Variants in MEMO1 observed in about 807,000 individuals in gnomAD.
MEMO1 encodes mediator of cell motility 1.
A neutral mutation model predicts 45.2 loss-of-function variants in MEMO1; 6 were observed. That is an observed-to-expected ratio of 0.13 (90% CI 0.07 to 0.26). MEMO1 has a LOEUF of 0.26. Among genes scored for constraint, MEMO1 ranks in the 10% least tolerant of loss-of-function variants. MEMO1 has a pLI of 1.00. For synonymous variants in MEMO1, 78 were observed against 124.3 expected (o/e 0.63, Z 2.48); for missense variants, 184 against 370.5 (o/e 0.50, Z 4.13).
chr2:31,966,595 G>T (rs1363116422), intron 2 of MEMO1, among the ~76,000 whole-genome samples: 1 of 151,958 alleles, frequency 6.6e-6, no homozygotes, highest in Non-Finnish European at 1.5e-5. Context: ...GCCAGGCATG[G>T]TGGCACGACC....
chr2:31,911,738 T>G (rs941494721), intron 6 of MEMO1, among the ~76,000 whole-genome samples: 1 of 152,142 alleles, frequency 6.6e-6, no homozygotes, highest in Non-Finnish European at 1.5e-5. Flanking sequence ...CCTTCCAGGC[T>G]GAAGTAATCC....
chr2:31,917,373 G>A (rs1368822439), intron 6 of MEMO1, among the ~76,000 whole-genome samples: 2 of 152,098 alleles, frequency 1.3e-5, no homozygotes, highest in East Asian at 1.9e-4. Flanking sequence ...TGTGCTAGGC[G>A]GTGGGGTATA....
intron 8 of MEMO1, among the ~76,000 whole-genome samples, chr2:31,871,884 C>T (rs1289271141): frequency 6.6e-6 from 1 of 151,892 alleles, no homozygotes; most frequent in Non-Finnish European, 1.5e-5. Context: ...CATGGTGGCA[C>T]ATGCCTATAA....
At position 31,868,338 on chromosome 2, in the gene MEMO1, G is replaced by GGC. The variant is rs1558463897; in HGVS notation, c.*21_*22dup. ...GGACAGAGTATGAGAATGTGCAGGT[G>GGC]GCATCCCTGAGGATTCAGAGCTTCA... is the stretch of plus-strand genomic sequence containing the variant. On this transcript the variant is annotated 3_prime_UTR_variant, in exon 10 of 10. Coordinates refer to ENST00000404530, the MANE Select transcript of MEMO1 (RefSeq NM_001301833.4). 1 of 1,530,144 alleles carries GGC rather than the reference G, an allele frequency of 6.5e-7. No individual in the cohort carries two copies. The highest frequency in any genetic ancestry group is 8.8e-7 in the Non-Finnish European group (1 of 1,139,708). The allele number at this position is 1,530,144 out of a possible 1,614,324, so 94.8% of individuals were successfully genotyped here. A position where few individuals can be genotyped will look rare whatever the true frequency, so the allele number is the denominator to read the frequency against.
intron 2 of MEMO1, among the ~76,000 whole-genome samples, chr2:31,981,208 T>C (rs954004936): frequency 2.0e-5 from 3 of 152,222 alleles, no homozygotes; most frequent in African/African-American, 4.8e-5. Context: ...CAGTTCTTAC[T>C]ACAGCCTCTA....
At chr2:32,005,688 A>G (rs2148616946) in intron 2 of MEMO1, among the ~76,000 whole-genome samples, 1 of 152,268 alleles carries the variant, frequency 6.6e-6, no homozygotes, top group South Asian at 2.1e-4. Flanking sequence ...TTCAGAATGT[A>G]AACATTTGTA....
At chr2:31,881,079 A>G (rs1341160896) in intron 8 of MEMO1, among the ~76,000 whole-genome samples, 1 of 152,036 alleles carries the variant, frequency 6.6e-6, no homozygotes, top group Admixed American at 6.6e-5. Context: ...TATGACTACC[A>G]TGGCACTTCA....
intron 2 of MEMO1, among the ~76,000 whole-genome samples, chr2:31,994,342 TAG>T (rs1170357393): frequency 6.6e-6 from 1 of 151,684 alleles, no homozygotes; most frequent in Non-Finnish European, 1.5e-5. Context: ...TAAAAATTAA[TAG>T]AGAGGTCGGG....
At chr2:32,006,302 T>C (rs1298051688) in intron 2 of MEMO1, among the ~76,000 whole-genome samples, 4 of 152,214 alleles carry the variant, frequency 2.6e-5, no homozygotes, top group African/African-American at 9.6e-5. Context: ...GAGACAGTTG[T>C]AATTATTCTG....
chr2:31,933,462 G>A (rs1572726780), intron 3 of MEMO1, among the ~76,000 whole-genome samples: 1 of 146,160 alleles, frequency 6.8e-6, no homozygotes, highest in African/African-American at 2.5e-5. Flanking sequence ...ACTTTTGAGG[G>A]TGATGAATAT....
chr2:31,871,260 T>A (rs1470215835), intron 8 of MEMO1, among the ~76,000 whole-genome samples: 1 of 152,212 alleles, frequency 6.6e-6, no homozygotes, highest in Non-Finnish European at 1.5e-5. Context: ...GGGACTTAAC[T>A]GGTTATTCTG....
intron 2 of MEMO1, among the ~76,000 whole-genome samples, chr2:31,950,720 CAAAA>C (rs1382577241): frequency 1.3e-5 from 1 of 78,586 alleles, no homozygotes; most frequent in Admixed American, 1.4e-4. Context: ...GACTCCATCT[CAAAA>C]AAAAAAAAAG....
At chr2:31,876,182 A>T (rs1015323149) in intron 8 of MEMO1, among the ~76,000 whole-genome samples, 1 of 151,732 alleles carries the variant, frequency 6.6e-6, no homozygotes, top group Admixed American at 6.6e-5. Context: ...TACACACCAT[A>T]CTCCCACAAC....
At chr2:31,992,934 T>G (rs1320529100) in intron 2 of MEMO1, among the ~76,000 whole-genome samples, 1 of 151,720 alleles carries the variant, frequency 6.6e-6, no homozygotes, top group African/African-American at 2.4e-5. Context: ...TTGAAAACTA[T>G]GGAAAAAAAA....
intron 2 of MEMO1, among the ~76,000 whole-genome samples, chr2:31,962,488 T>G (rs1668121296): frequency 6.6e-6 from 1 of 152,208 alleles, no homozygotes; most frequent in Non-Finnish European, 1.5e-5. Context: ...GTTTTCATTC[T>G]ATGCTTCTCT....
intron 7 of MEMO1, among the ~76,000 whole-genome samples, chr2:31,890,422 C>G (rs1171161181): frequency 6.6e-6 from 1 of 152,060 alleles, no homozygotes; most frequent in Non-Finnish European, 1.5e-5. Context: ...AGTAATGATA[C>G]TTAAGTTTTC....
At chr2:31,969,623 GTGT>G (rs1669132206) in intron 2 of MEMO1, among the ~76,000 whole-genome samples, 2 of 148,414 alleles carry the variant, frequency 1.3e-5, no homozygotes, top group African/African-American at 5.0e-5. Context: ...GTGTGTGTGT[GTGT>G]GTGTGTGTTT....
intron 2 of MEMO1, among the ~76,000 whole-genome samples, chr2:31,973,354 T>G (rs2148469764): frequency 6.6e-6 from 1 of 152,004 alleles, no homozygotes; most frequent in South Asian, 2.1e-4. Context: ...CTTGGGAGGC[T>G]GAGGCAGGAG....
chr2:31,918,302 A>G (rs1413052877), intron 5 of MEMO1, among the ~76,000 whole-genome samples: 2 of 151,794 alleles, frequency 1.3e-5, no homozygotes, highest in African/African-American at 4.8e-5. Flanking sequence ...CATCATTTGT[A>G]TATGTTACAT....
Sources: gnomAD v4.1 joint callset for allele counts (sites outside exome capture counted in the v4.1 genomes callset) on GRCh38, gnomAD v4.1.1 for gene constraint, MANE v1.5 for transcripts, NCBI Gene and HGNC (gene_info 2026-07-23, HGNC 2026-07-21) for gene names.